SHISA9: variants seen among roughly 807,000 people sequenced by gnomAD.
SHISA9 encodes the protein protein shisa-9.
Under a neutral mutation model 38.0 loss-of-function variants are expected in SHISA9, and 13 were observed. The observed-to-expected ratio is 0.34, with a 90% CI of 0.22 to 0.54. SHISA9 has a LOEUF of 0.54. SHISA9 is among the 20% of genes least tolerant of loss of function. The probability of loss-of-function intolerance (pLI) is 0.91; values close to 1 mark genes in which losing one functional copy is unlikely to be tolerated. For synonymous variants in SHISA9, 275 were observed against 242.0 expected, an observed-to-expected ratio of 1.14 and a Z score of -1.27; for missense variants, 538 against 575.8, an observed-to-expected ratio of 0.93 and a Z score of 0.67.
chr16:13,453,601 A>G, the SHISA9 span, among the ~76,000 whole-genome samples: 244 of 152,340 alleles, frequency 1.6e-3, 2 homozygotes, highest in East Asian at 0.037. Context: ...CAGCCCCCAG[A>G]CAACCCTCCA....
chr16:13,096,670 A>G (rs1233996361), intron 2 of SHISA9, among the ~76,000 whole-genome samples: 1 of 152,214 alleles, frequency 6.6e-6, no homozygotes, highest in Admixed American at 6.5e-5. Flanking sequence ...AACTTCTTGG[A>G]GTCAAGGCAG....
At chr16:12,908,736 G>A (rs2071139407) in intron 1 of SHISA9, 2 of 1,439,174 alleles carry the variant, frequency 1.4e-6, no homozygotes, top group South Asian at 2.9e-5. Flanking sequence ...ATGAAGTCTA[G>A]GAATGCTTTC....
chr16:13,297,820 A>C, the SHISA9 span, among the ~76,000 whole-genome samples: 3 of 152,122 alleles, frequency 2.0e-5, no homozygotes, highest in Non-Finnish European at 2.9e-5. Context: ...GCAATGGCAC[A>C]ATCTCGGCTC....
At chr16:13,462,237 C>A in the SHISA9 span, among the ~76,000 whole-genome samples, 1 of 151,686 alleles carries the variant, frequency 6.6e-6, no homozygotes, top group South Asian at 2.1e-4. Flanking sequence ...GAGACCCCTA[C>A]CTCTACCAAA....
chr16:13,009,096 G>A (rs1160486795), intron 2 of SHISA9, among the ~76,000 whole-genome samples: 1 of 138,134 alleles, frequency 7.2e-6, no homozygotes, highest in Non-Finnish European at 1.6e-5. Flanking sequence ...GAGTGTGTGT[G>A]TATTTTTTTT....
At chr16:13,097,829 G>C (rs1490056644) in intron 2 of SHISA9, among the ~76,000 whole-genome samples, 1 of 152,150 alleles carries the variant, frequency 6.6e-6, no homozygotes, top group African/African-American at 2.4e-5. Context: ...ACAGTAAAAT[G>C]TCATGATAGA....
At chr16:13,171,590 C>G (rs978158157) in intron 2 of SHISA9, among the ~76,000 whole-genome samples, 5 of 152,010 alleles carry the variant, frequency 3.3e-5, no homozygotes, top group African/African-American at 7.3e-5. Flanking sequence ...GGAAATAGTA[C>G]TTGCCAGGGT....
intron 2 of SHISA9, among the ~76,000 whole-genome samples, chr16:13,103,934 C>T (rs1306526754): frequency 6.6e-6 from 1 of 152,092 alleles, no homozygotes; most frequent in African/African-American, 2.4e-5. Flanking sequence ...GGGATATACG[C>T]CACTCTCCAA....
At chr16:13,221,607 TC>T (rs2142074602) in intron 4 of SHISA9, among the ~76,000 whole-genome samples, 1 of 152,300 alleles carries the variant, frequency 6.6e-6, no homozygotes, top group Admixed American at 6.5e-5. Context: ...AAGAAGTATT[TC>T]TTTTTTAAAC....
chr16:13,293,365 G>A, the SHISA9 span, among the ~76,000 whole-genome samples: 1 of 152,140 alleles, frequency 6.6e-6, no homozygotes, highest in African/African-American at 2.4e-5. Flanking sequence ...ATTAAGTCAT[G>A]TTTGTTGTAC....
In SHISA9 at chr16:12,903,036, C is replaced by T. The variant is rs536127129; in HGVS notation, c.563+409C>T. On this transcript the variant is annotated intron_variant, in intron 1 of 4. Transcript: ENST00000558583. ...TTTTTGGTAAACAGGGGCAGGCGAG[C>T]CCGAAAGGGGAGGGGGGCGTGTGTG... The T allele has an allele frequency of 5.0e-5, 9 of 181,480 alleles. No individual in the cohort carries two copies. The South Asian group carries it at 6.0e-4, about 12-fold the overall frequency. 11.2% of individuals were successfully genotyped at this position (181,480 alleles called of 1,614,324 possible). A position where few individuals can be genotyped will look rare whatever the true frequency, so the allele number is the denominator to read the frequency against.
At chr16:13,279,699 T>G in the SHISA9 span, among the ~76,000 whole-genome samples, 1 of 151,920 alleles carries the variant, frequency 6.6e-6, no homozygotes, top group Non-Finnish European at 1.5e-5. Context: ...GACCTACATC[T>G]TTATCTAAAA....
the SHISA9 span, among the ~76,000 whole-genome samples, chr16:13,360,043 G>C: frequency 2.0e-5 from 3 of 152,222 alleles, no homozygotes; most frequent in South Asian, 6.2e-4. Flanking sequence ...AACTTGACTT[G>C]CTGGGCTAAA....
At chr16:13,402,438 C>G in the SHISA9 span, among the ~76,000 whole-genome samples, 1 of 152,184 alleles carries the variant, frequency 6.6e-6, no homozygotes, top group Non-Finnish European at 1.5e-5. Context: ...AGTGAATTCA[C>G]CCTTCCTCCG....
At chr16:13,289,278 C>T in the SHISA9 span, among the ~76,000 whole-genome samples, 14 of 151,742 alleles carry the variant, frequency 9.2e-5, no homozygotes, top group African/African-American at 3.4e-4. Flanking sequence ...GATGACATTG[C>T]CCTGCCATTT....
intron 2 of SHISA9, among the ~76,000 whole-genome samples, chr16:13,130,898 C>A (rs571277101): frequency 6.6e-6 from 1 of 152,112 alleles, no homozygotes; most frequent in East Asian, 1.9e-4. Flanking sequence ...AAATGCAAAT[C>A]GAAACCACAG....
chr16:13,453,697 T>G, the SHISA9 span, among the ~76,000 whole-genome samples: 2 of 152,232 alleles, frequency 1.3e-5, no homozygotes, highest in African/African-American at 2.4e-5. Flanking sequence ...AATAAATGGT[T>G]GTTGTTTTAA....
intron 2 of SHISA9, among the ~76,000 whole-genome samples, chr16:13,161,964 T>C (rs963089813): frequency 3.9e-5 from 6 of 152,260 alleles, no homozygotes; most frequent in Admixed American, 1.3e-4. Context: ...ATCTTATGGC[T>C]GTTCTTTTTT....
intron 2 of SHISA9, among the ~76,000 whole-genome samples, chr16:12,967,683 A>C (rs1416960915): frequency 6.6e-6 from 1 of 152,088 alleles, no homozygotes; most frequent in East Asian, 1.9e-4. Context: ...AAAAAAAGAA[A>C]TACTCTGGAG....
Sources: gnomAD v4.1 joint callset for allele counts (sites outside exome capture counted in the v4.1 genomes callset) on GRCh38, gnomAD v4.1.1 for gene constraint, MANE v1.5 for transcripts, NCBI Gene and HGNC (gene_info 2026-07-23, HGNC 2026-07-21) for gene names.